KANSL1L: variants seen among roughly 807,000 people sequenced by gnomAD.
KANSL1L encodes the protein KAT8 regulatory NSL complex subunit 1 like, also known as KAT8 regulatory NSL complex subunit 1-like protein.
Under a neutral mutation model 108.6 loss-of-function variants are expected in KANSL1L, and 25 were observed. The observed-to-expected ratio is 0.23, with a 90% CI of 0.17 to 0.32. The LOEUF is 0.32. Among genes scored for constraint, KANSL1L ranks in the 10% least tolerant of loss-of-function variants. KANSL1L has a pLI of 1.00. For synonymous variants in KANSL1L, 405 were observed against 395.1 expected (o/e 1.03, Z -0.30); for missense variants, 1,137 against 1,125.7 (o/e 1.01, Z -0.14).
intron 3 of KANSL1L, among the ~76,000 whole-genome samples, chr2:210,123,600 G>T (rs1478338291): frequency 6.6e-6 from 1 of 152,052 alleles, no homozygotes; most frequent in African/African-American, 2.4e-5. Flanking sequence ...ATAAGATCTA[G>T]TATTTGATAG....
chr2:210,169,525 T>C (rs1688201580), intron 1 of KANSL1L, among the ~76,000 whole-genome samples: 1 of 152,158 alleles, frequency 6.6e-6, no homozygotes, highest in Admixed American at 6.5e-5. Flanking sequence ...AATTACTTTA[T>C]AATAATAAGA....
Position 210,075,556 on chromosome 2 carries a change from G to T in KANSL1L, c.1751C>A (p.Pro584Gln). The part of the protein sequence containing the change: ...YRLSPTFYWT[P>Q]QTLPSKETAF... ...TCTTCCCAAAGGCAGCCTTACCTGTGGAGTCCAATAAAAAGTAGGGCTCAA... is the reference window on the plus strand; with the variant it reads ...TCTTCCCAAAGGCAGCCTTACCTGTTGAGTCCAATAAAAAGTAGGGCTCAA... Residue 584 changes from proline (P) to glutamine (Q), a missense_variant, in exon 6 of 15, where the codon CCA becomes CAA. Physicochemically the swap from Pro to Gln is moderately conservative, Grantham distance 76. Coordinates refer to ENST00000281772, the MANE Select transcript of KANSL1L (RefSeq NM_152519.4). The T allele has an allele frequency of 3.7e-6, 6 of 1,609,678 alleles. No homozygotes were observed. The highest frequency in any genetic ancestry group is 5.1e-6 in the Non-Finnish European group (6 of 1,176,178).
intron 2 of KANSL1L, among the ~76,000 whole-genome samples, chr2:210,148,956 T>C (rs531679504): frequency 1.3e-5 from 2 of 152,184 alleles, no homozygotes; most frequent in South Asian, 4.1e-4. Context: ...ACTTTAAAAA[T>C]TACAAACACT....
chr2:210,103,407 C>T (rs1559557780), intron 4 of KANSL1L, among the ~76,000 whole-genome samples: 1 of 152,078 alleles, frequency 6.6e-6, no homozygotes, highest in African/African-American at 2.4e-5. Context: ...CAACATGGCA[C>T]ATGTATACAT....
At chr2:210,139,189 A>AT (rs1283465073) in intron 2 of KANSL1L, among the ~76,000 whole-genome samples, 1 of 152,242 alleles carries the variant, frequency 6.6e-6, no homozygotes, top group African/African-American at 2.4e-5. Flanking sequence ...TTGAGCCATC[A>AT]TAAGTCAGGG....
intron 1 of KANSL1L, among the ~76,000 whole-genome samples, chr2:210,165,453 AATT>A (rs1158555793): frequency 6.6e-6 from 1 of 152,108 alleles, no homozygotes; most frequent in Non-Finnish European, 1.5e-5. Context: ...AGAAAGAATC[AATT>A]TTTTTGTTTT....
intron 9 of KANSL1L, among the ~76,000 whole-genome samples, chr2:210,030,244 TATCTA>T (rs2093996408): frequency 6.6e-6 from 1 of 152,054 alleles, no homozygotes; most frequent in Non-Finnish European, 1.5e-5. Flanking sequence ...TTAATTTTCT[TATCTA>T]ATCTCATTTT....
rs575747969 is a variant in KANSL1L at position 210,103,430 on chromosome 2, T to C, written c.1428+674A>G. Among the ~76,000 whole-genome samples the C allele has an allele frequency of 3.0e-3, 464 of 152,198 alleles. 1 individual carries two copies. The highest frequency in any genetic ancestry group is 5.3e-3 in the Non-Finnish European group (362 of 68,012). ...CACATGTATACATATGTAACAAACC[T>C]GCACGTTGTGCACATGTACCCTAGA... is the stretch of plus-strand genomic sequence containing the variant. On this transcript the variant is annotated intron_variant, in intron 4 of 14. Coordinates refer to ENST00000281772, the MANE Select transcript of KANSL1L (RefSeq NM_152519.4).
At chr2:210,095,558 T>C (rs533250592) in intron 5 of KANSL1L, among the ~76,000 whole-genome samples, 3 of 152,176 alleles carry the variant, frequency 2.0e-5, no homozygotes, top group Non-Finnish European at 2.9e-5. Flanking sequence ...TCTATGTTTC[T>C]GGTTAAATAG....
At chr2:210,121,862 T>C (rs2095024488) in intron 3 of KANSL1L, among the ~76,000 whole-genome samples, 1 of 152,006 alleles carries the variant, frequency 6.6e-6, no homozygotes. Context: ...AAAATCAGCA[T>C]ACAAAAAACA....
intron 8 of KANSL1L, among the ~76,000 whole-genome samples, chr2:210,034,505 C>T (rs932685803): frequency 2.6e-4 from 40 of 152,122 alleles, no homozygotes; most frequent in African/African-American, 8.9e-4. Flanking sequence ...GTAGATAGGG[C>T]TTTAAGGTGT....
chr2:210,171,535 C>G (rs1349636354), upstream of KANSL1L: 1 of 152,970 alleles, frequency 6.5e-6, no homozygotes, highest in Non-Finnish European at 1.5e-5. Context: ...TCGGAGTGTT[C>G]TGGAAGTGGC....
intron 2 of KANSL1L, 60 bp downstream of exon 2, chr2:210,153,435 C>T (rs966231692): frequency 7.9e-7 from 1 of 1,262,612 alleles, no homozygotes; most frequent in African/African-American, 1.5e-5. Flanking sequence ...TACCTGGAAA[C>T]TAAGATAATT....
chr2:210,167,498 A>G (rs1688055785), intron 1 of KANSL1L, among the ~76,000 whole-genome samples: 1 of 152,024 alleles, frequency 6.6e-6, no homozygotes, highest in African/African-American at 2.4e-5. Flanking sequence ...TTCTGTGTAT[A>G]TCGATTTGGA....
chr2:210,166,322 G>A (rs368368679), intron 1 of KANSL1L, among the ~76,000 whole-genome samples: 107 of 152,210 alleles, frequency 7.0e-4, no homozygotes, highest in African/African-American at 2.3e-3. Context: ...CAAGTCAATA[G>A]TTACTGAGTT....
intron 6 of KANSL1L, among the ~76,000 whole-genome samples, chr2:210,050,179 A>G (rs944436788): frequency 3.9e-5 from 6 of 152,234 alleles, no homozygotes; most frequent in African/African-American, 1.4e-4. Context: ...TAATCTATGT[A>G]TGCATAGAGT....
chr2:210,151,611 A>G (rs1363662420), intron 2 of KANSL1L: 1 of 152,190 alleles, frequency 6.6e-6, no homozygotes, highest in Non-Finnish European at 1.5e-5. Flanking sequence ...TCTGCCCCTT[A>G]CTTGGCTTTT....
chr2:210,040,432 A>G lies in KANSL1L; in HGVS notation c.2017T>C (p.Ser673Pro). Residue 673 changes from serine to proline, a missense_variant, in exon 8 of 15, where the codon TCT (serine) becomes CCT (proline). Physicochemically the swap from Ser to Pro is moderately conservative, Grantham distance 74. Transcript: ENST00000281772. ...ENKFVDEYIISPSPVHSTLNQ... is the reference protein window; with the variant it reads ...ENKFVDEYIIPPSPVHSTLNQ... ...AAATGTGACATACCAGGTGATGGAG[A>G]TATGATATATTCATCTACAAATTTA... is the stretch of plus-strand genomic sequence containing the variant. 5 of 1,417,810 alleles carry G rather than the reference A, an allele frequency of 3.5e-6. No homozygotes were observed. Among genetic ancestry groups the G allele is most frequent in the Non-Finnish European group, 5.0e-6 (5 of 1,003,810 alleles). The allele number at this position is 1,417,810 out of a possible 1,614,324, so 87.8% of individuals were successfully genotyped here.
chr2:210,142,925 T>G (rs1372002633), intron 2 of KANSL1L, among the ~76,000 whole-genome samples: 2 of 152,170 alleles, frequency 1.3e-5, no homozygotes, highest in Non-Finnish European at 2.9e-5. Flanking sequence ...ATTACAATGT[T>G]GGATGGAATG....
Sources: gnomAD v4.1 joint callset for allele counts (sites outside exome capture counted in the v4.1 genomes callset) on GRCh38, gnomAD v4.1.1 for gene constraint, MANE v1.5 for transcripts, NCBI Gene and HGNC (gene_info 2026-07-23, HGNC 2026-07-21) for gene names.